The following PUS10 variants were observed in gnomAD, a reference collection of about 807,000 sequenced individuals.
The protein encoded by PUS10 is tRNA pseudouridine synthase Pus10.
A neutral mutation model predicts 75.0 loss-of-function variants in PUS10; 59 were observed. The observed-to-expected ratio is 0.79, with a 90% CI of 0.64 to 0.98. The LOEUF (loss-of-function observed/expected upper bound fraction) is 0.98. Ranked by LOEUF, PUS10 falls within the 50% of genes least tolerant of loss-of-function variation. The probability of loss-of-function intolerance (pLI) is 0.00; values close to 1 mark genes in which losing one functional copy is unlikely to be tolerated. For synonymous variants in PUS10, 219 were observed against 211.6 expected (o/e 1.03, Z -0.30); for missense variants, 650 against 614.4 (o/e 1.06, Z -0.61).
chr2:60,949,326 T>A (rs1009026371), intron 15 of PUS10, among the ~76,000 whole-genome samples: 1 of 152,222 alleles, frequency 6.6e-6, no homozygotes, highest in African/African-American at 2.4e-5. Flanking sequence ...CAGCAGGCCT[T>A]TAAATTAACA....
At chr2:60,967,408 A>C (rs1322513247) in intron 6 of PUS10, 94 bp downstream of exon 6, 1 of 782,048 alleles carries the variant, frequency 1.3e-6, no homozygotes, top group African/African-American at 1.8e-5. Context: ...ATTATTTAAA[A>C]AGAAGTTTTT....
At chr2:60,975,082 C>G (rs1355924471) in intron 4 of PUS10, among the ~76,000 whole-genome samples, 1 of 152,166 alleles carries the variant, frequency 6.6e-6, no homozygotes, top group African/African-American at 2.4e-5. Flanking sequence ...TTACAAGACC[C>G]CTTCCTTTTT....
At chr2:60,971,191 AT>A (rs201619663) in intron 5 of PUS10, among the ~76,000 whole-genome samples, 5 of 151,506 alleles carry the variant, frequency 3.3e-5, no homozygotes, top group South Asian at 2.1e-4. Context: ...AAAAAAAAAA[AT>A]AATAATAATA....
At chr2:60,956,905 G>A (rs1675697282) in intron 11 of PUS10, among the ~76,000 whole-genome samples, 2 of 144,390 alleles carry the variant, frequency 1.4e-5, no homozygotes, top group Admixed American at 1.4e-4. Flanking sequence ...AACCTGGGAG[G>A]CTGAGCTTGC....
intron 4 of PUS10, among the ~76,000 whole-genome samples, chr2:60,971,988 A>G (rs909244071): frequency 1.4e-5 from 2 of 146,574 alleles, no homozygotes; most frequent in Non-Finnish European, 3.0e-5. Context: ...CTTCTGCCTC[A>G]GTCTTCTGAG....
At chr2:60,949,372 C>CT (rs752641539) in intron 15 of PUS10, among the ~76,000 whole-genome samples, 1 of 152,166 alleles carries the variant, frequency 6.6e-6, no homozygotes, top group Non-Finnish European at 1.5e-5. Flanking sequence ...CTTCCTTTAC[C>CT]TTTAGAGTTA....
intron 2 of PUS10, among the ~76,000 whole-genome samples, chr2:61,011,443 C>T (rs1380187660): frequency 6.6e-6 from 1 of 152,126 alleles, no homozygotes; most frequent in African/African-American, 2.4e-5. Context: ...ATATTAGCCC[C>T]TCCTGGGAGG....
chr2:60,948,176 T>TC lies in PUS10; in HGVS notation c.1317_1318insG (p.Ile440AspfsTer32), dbSNP rs1675102803. On this transcript the variant is annotated frameshift_variant, in exon 16 of 18. Coordinates refer to ENST00000316752, the MANE Select transcript of PUS10 (RefSeq NM_144709.4). LOFTEE classifies it high-confidence loss of function. Reference sequence around the variant, plus strand: ...ACGCGCAAAGGTGTTTTCTGGTCGATTTTTAAGTCCTAGGGGAGAATATGA... The same window carrying TC: ...ACGCGCAAAGGTGTTTTCTGGTCGATCTTTTAAGTCCTAGGGGAGAATATGA... The TC allele has an allele frequency of 6.2e-7, 1 of 1,613,928 alleles. No individual in the cohort carries two copies. The highest frequency in any genetic ancestry group is 8.5e-7 in the Non-Finnish European group (1 of 1,179,970).
chr2:60,947,778 G>A lies in PUS10; in HGVS notation c.1451+265C>T, dbSNP rs142602526. Among the ~76,000 whole-genome samples, 472 of 141,990 alleles carry A rather than the reference G, an allele frequency of 3.3e-3. 3 individuals are homozygous for A. The highest frequency in any genetic ancestry group is 5.9e-3 in the Non-Finnish European group (392 of 66,908). The allele number at this position is 141,990 out of a possible 152,430, so 93.2% of individuals were successfully genotyped here. On this transcript the variant is annotated intron_variant, in intron 16 of 17. Transcript: ENST00000316752. ...CAGGAGGCGGAGCTTGCAGTAAGCC[G>A]AGATGGCGCCACCGCACTCCAGCCT...
At chr2:60,952,334 CAAAAAAAAAAA>C (rs78551218) in intron 15 of PUS10, among the ~76,000 whole-genome samples, 44 of 100,466 alleles carry the variant, frequency 4.4e-4, no homozygotes, top group Non-Finnish European at 6.9e-4. Flanking sequence ...GACTCTGTCT[CAAAAAAAAAAA>C]AAAAAAAGAA....
At chr2:61,007,791 A>G (rs1046168086) in intron 3 of PUS10, among the ~76,000 whole-genome samples, 1 of 151,240 alleles carries the variant, frequency 6.6e-6, no homozygotes, top group African/African-American at 2.4e-5. Context: ...AAAACAGAAA[A>G]AAAAAAGAAT....
In PUS10 at chr2:61,006,561, C is replaced by G; in HGVS notation, c.464G>C (p.Arg155Thr). 2 of 1,611,698 alleles carry G rather than the reference C, an allele frequency of 1.2e-6. No individual in the cohort carries two copies. The highest frequency in any genetic ancestry group is 1.7e-6 in the Non-Finnish European group (2 of 1,178,176). Residue 155 changes from arginine to threonine, a missense_variant, in exon 4 of 18, where the codon AGA (arginine) becomes ACA (threonine). By Grantham distance (71) the Arg-to-Thr change is moderately conservative (BLOSUM62 -1). Coordinates refer to ENST00000316752, the MANE Select transcript of PUS10 (RefSeq NM_144709.4). ...TATGCATGCAAATGACCTTACCTCT[C>G]TTACAGATAGTTGTGGTGGGAAGGA... The part of the protein sequence containing the change: ...SVSFPPQLSV[R>T]EHAAWLLVKQ...
intron 15 of PUS10, among the ~76,000 whole-genome samples, chr2:60,952,270 G>A (rs1558871820): frequency 1.3e-5 from 2 of 150,572 alleles, no homozygotes; most frequent in Admixed American, 6.6e-5. Flanking sequence ...GGAGGCGGAG[G>A]TTGCAGTGAG....
intron 4 of PUS10, among the ~76,000 whole-genome samples, chr2:60,996,643 C>CCT (rs200579095): frequency 0.021 from 3,224 of 151,938 alleles, 122 homozygotes; most frequent in African/African-American, 0.073. Context: ...AGCAGGGAGG[C>CCT]ATATCCAGAT....
In PUS10 at chr2:60,948,099, C is replaced by T. The variant is rs1370079509; in HGVS notation, c.1395G>A (p.Glu465=). 3 of 1,614,102 alleles carry T rather than the reference C, an allele frequency of 1.9e-6. No homozygotes were observed. Among genetic ancestry groups the T allele is most frequent in the East Asian group, 2.2e-5 (1 of 44,870 alleles). Residue 465 remains glutamate, a synonymous_variant, in exon 16 of 18, where the codon GAG becomes GAA. Transcript: ENST00000316752. ...AVRARVIHFM[E]TQYVDEHHFR... is the part of the protein sequence containing the mutation. ...AGTGGTGCTCATCCACGTACTGTGT[C>T]TCCATGAAGTGAATGACGCGAGCTC...
In PUS10 at chr2:60,954,009, A is replaced by G. The variant is rs374313553; in HGVS notation, c.1135-21T>C. ...ATTTTCTGTAGTAGCAGAAAAAGAA[A>G]AACAATTAGCAAGTCTAGCTCAGTT... On this transcript the variant is annotated intron_variant, in intron 13 of 17. Transcript: ENST00000316752. 127 of 1,612,678 alleles carry G rather than the reference A, an allele frequency of 7.9e-5. No homozygotes were observed. The African/African-American group carries it at 1.7e-3, about 21-fold the overall frequency.
intron 4 of PUS10, among the ~76,000 whole-genome samples, chr2:60,981,205 T>G (rs1389466466): frequency 1.3e-5 from 2 of 151,040 alleles, no homozygotes; most frequent in Non-Finnish European, 3.0e-5. Flanking sequence ...CATTCTTAAG[T>G]TTTTAAGAAC....
intron 3 of PUS10, among the ~76,000 whole-genome samples, chr2:61,006,872 AAT>A (rs1225841339): frequency 1.3e-5 from 2 of 152,226 alleles, no homozygotes; most frequent in Non-Finnish European, 2.9e-5. Context: ...ACAGCTTCAG[AAT>A]AAACTGTTAA....
At chr2:60,951,802 A>G (rs138110003) in intron 15 of PUS10, among the ~76,000 whole-genome samples, 1 of 152,326 alleles carries the variant, frequency 6.6e-6, no homozygotes, top group African/African-American at 2.4e-5. Context: ...TATAGAGTCT[A>G]TACTTTTATT....
Sources: gnomAD v4.1 joint callset for allele counts (sites outside exome capture counted in the v4.1 genomes callset) on GRCh38, gnomAD v4.1.1 for gene constraint, MANE v1.5 for transcripts, NCBI Gene and HGNC (gene_info 2026-07-23, HGNC 2026-07-21) for gene names.